Variants in SMARCA4 observed in about 807,000 individuals in gnomAD.
SMARCA4 encodes the protein SWI/SNF related BAF chromatin remodeling complex subunit ATPase 4.
SMARCA4 carries 31 observed loss-of-function variants against 193.9 expected under a neutral mutation model. That is an observed-to-expected ratio of 0.16 (90% CI 0.12 to 0.22). SMARCA4 has a LOEUF of 0.22. SMARCA4 is among the 10% of genes least tolerant of loss of function. The pLI is 1.00. For missense variants in SMARCA4, 1,148 were observed against 2,296.0 expected (o/e 0.50, Z 10.22); for synonymous variants, 942 against 933.1 (o/e 1.01, Z -0.17).
chr19:10,965,970 GTTTTTTTTTT>G (rs372236923), intron 1 of SMARCA4, among the ~76,000 whole-genome samples: 1 of 78,934 alleles, frequency 1.3e-5, no homozygotes, highest in East Asian at 5.3e-4. Flanking sequence ...TAGTGGCATG[GTTTTTTTTTT>G]TTTTTTTTTT....
intron 8 of SMARCA4, among the ~76,000 whole-genome samples, chr19:10,993,714 C>T (rs1465969914): frequency 2.1e-4 from 32 of 151,602 alleles, no homozygotes; most frequent in Admixed American, 2.0e-3. Flanking sequence ...GGCGCGATCT[C>T]GGCTCACTGC....
Position 10,986,619 on chromosome 19 carries a change from G to A in SMARCA4, c.760+26G>A, listed in dbSNP as rs2145787667. The A allele has an allele frequency of 6.5e-7, 1 of 1,535,424 alleles. No homozygotes were observed. The highest frequency in any genetic ancestry group is 1.7e-4 in the Middle Eastern group (1 of 5,810). On this transcript the variant is annotated intron_variant, in intron 4 of 34. Coordinates refer to ENST00000344626, the MANE Select transcript of SMARCA4 (RefSeq NM_003072.5). The surrounding 1 kb of genome is among the most constrained non-coding windows in gnomAD (Gnocchi z 6.7). ...GTAAGACTGGCTGCCCTGGCCCTCAGGTGTCTCAGAGCGAATGGCTGGGGC... is the reference window on the plus strand; with the variant it reads ...GTAAGACTGGCTGCCCTGGCCCTCAAGTGTCTCAGAGCGAATGGCTGGGGC...
chr19:11,003,530 C>G, intron 13 of SMARCA4, 133 bp downstream of exon 13: 2 of 826,378 alleles, frequency 2.4e-6, no homozygotes, highest in South Asian at 2.7e-5. Flanking sequence ...CAGGCCTGCC[C>G]GAAGTCGGTG....
chr19:11,009,518 C>T (rs758361132), intron 14 of SMARCA4, among the ~76,000 whole-genome samples: 1 of 151,944 alleles, frequency 6.6e-6, no homozygotes, highest in Non-Finnish European at 1.5e-5. Context: ...TGGCAAGTGA[C>T]AGCATTCTAT....
At position 11,012,519 on chromosome 19, in the gene SMARCA4, T is replaced by G. The variant is rs1345887786; in HGVS notation, c.2275-430T>G. ...TCAGAAAGCTCCCAGGCTTTGGAAA[T>G]CCCTCTCTTAATCTTGAAATGATGT... On this transcript the variant is annotated intron_variant, in intron 15 of 34. Coordinates refer to ENST00000344626, the MANE Select transcript of SMARCA4 (RefSeq NM_003072.5). 4 of 261,042 alleles carry G rather than the reference T, an allele frequency of 1.5e-5. No individual in the cohort carries two copies. In the East Asian group the frequency reaches 3.4e-4, roughly 22 times the overall value. The allele number at this position is 261,042 out of a possible 1,614,324, so 16.2% of individuals were successfully genotyped here.
intron 1 of SMARCA4, among the ~76,000 whole-genome samples, chr19:10,979,941 A>G (rs1258134077): frequency 6.6e-6 from 1 of 152,146 alleles, no homozygotes; most frequent in Non-Finnish European, 1.5e-5. Context: ...CAGGGCATGT[A>G]CAAGTCAGTG....
At chr19:11,036,165 A>G (rs1030184971) in intron 29 of SMARCA4, among the ~76,000 whole-genome samples, 1 of 152,212 alleles carries the variant, frequency 6.6e-6, no homozygotes, top group Non-Finnish European at 1.5e-5. Context: ...TTCCCCAGCC[A>G]GCCTCCCAAG....
chr19:11,048,924 T>C (rs1457733033), intron 30 of SMARCA4, among the ~76,000 whole-genome samples: 1 of 152,200 alleles, frequency 6.6e-6, no homozygotes, highest in Non-Finnish European at 1.5e-5. Context: ...CCCAAGGCCC[T>C]GGAGTGTGGC....
At chr19:10,964,282 G>A (rs2084037635) in intron 1 of SMARCA4, among the ~76,000 whole-genome samples, 1 of 152,044 alleles carries the variant, frequency 6.6e-6, no homozygotes, top group African/African-American at 2.4e-5. Flanking sequence ...CTAGGGTTTT[G>A]GGCAGATGTC....
Position 10,985,995 on chromosome 19 carries a change from A to G in SMARCA4, c.356-194A>G, listed in dbSNP as rs1010703563. 6.6e-6 allele frequency among the ~76,000 whole-genome samples: 1 copy of G among 152,160 alleles called. No individual in the cohort carries two copies. The highest frequency in any genetic ancestry group is 2.4e-5 in the African/African-American group (1 of 41,440). On this transcript the variant is annotated intron_variant, in intron 3 of 34. Transcript: ENST00000344626. The surrounding 1 kb of genome is among the most constrained non-coding windows in gnomAD (Gnocchi z 4.5). ...AGCACCTTACTGAGACGTGGGCCAA[A>G]CCAAATCCACCAGGTCGGCTGCTGG...
Position 11,019,813 on chromosome 19 carries a change from A to G in SMARCA4, c.2616+112A>G. The stretch of plus-strand genomic sequence containing the variant: ...AGTTTCTTCCCGGAGTCCCACCTGC[A>G]TGTGCGTGAAGACAGCTGCCCTGTG... On this transcript the variant is annotated intron_variant, in intron 18 of 34. Coordinates refer to ENST00000344626, the MANE Select transcript of SMARCA4 (RefSeq NM_003072.5). This position sits in a 1 kb window ranked among gnomAD's most constrained non-coding sequence, Gnocchi z 6.1. The G allele has an allele frequency of 2.6e-6, 2 of 777,714 alleles. No homozygotes were observed. Among genetic ancestry groups the G allele is most frequent in the Non-Finnish European group, 4.5e-6 (2 of 448,988 alleles). 48.2% of individuals were successfully genotyped at this position (777,714 alleles called of 1,614,324 possible).
chr19:10,991,035 A>G (rs2086513476), intron 7 of SMARCA4, 115 bp from the exon 8 acceptor site: 3 of 1,530,478 alleles, frequency 2.0e-6, no homozygotes, highest in Non-Finnish European at 2.6e-6. Flanking sequence ...CTGGGTGTGT[A>G]AGGCACTTAC....
chr19:10,977,285 T>TG (rs1354856848), intron 1 of SMARCA4, among the ~76,000 whole-genome samples: 2 of 151,838 alleles, frequency 1.3e-5, no homozygotes, highest in African/African-American at 4.8e-5. Context: ...CGGTTTGTGC[T>TG]GGGGGGAGGC....
intron 29 of SMARCA4, among the ~76,000 whole-genome samples, chr19:11,036,750 C>T (rs1455508208): frequency 2.6e-5 from 4 of 152,156 alleles, no homozygotes; most frequent in Admixed American, 6.6e-5. Flanking sequence ...TTAGAACATT[C>T]TCATCGCCCC....
chr19:10,965,367 G>C (rs2084134132), intron 1 of SMARCA4: 1 of 152,248 alleles, frequency 6.6e-6, no homozygotes, highest in Non-Finnish European at 1.5e-5. Context: ...TTAGAATGGT[G>C]CCTGGCACAT....
chr19:10,965,043 C>G (rs1431714267), intron 1 of SMARCA4, among the ~76,000 whole-genome samples: 3 of 152,178 alleles, frequency 2.0e-5, no homozygotes, highest in Non-Finnish European at 4.4e-5. Flanking sequence ...CCTCGGTCAT[C>G]AAGGCTGCCA....
intron 18 of SMARCA4, chr19:11,021,187 C>A (rs1352608739): frequency 4.4e-6 from 1 of 226,016 alleles, no homozygotes; most frequent in African/African-American, 2.3e-5. Flanking sequence ...ATGTAATCAC[C>A]CTGCAGTGGG....
intron 16 of SMARCA4, chr19:11,018,390 C>G (rs1464796693): frequency 4.1e-6 from 1 of 244,520 alleles, no homozygotes. Flanking sequence ...CATTCCAGCC[C>G]TGGTCATCCC....
intron 14 of SMARCA4, among the ~76,000 whole-genome samples, chr19:11,010,152 G>A (rs190412235): frequency 9.2e-5 from 14 of 152,296 alleles, no homozygotes; most frequent in Admixed American, 5.9e-4. Flanking sequence ...GTACTGTGGT[G>A]GTGCAATCAG....
Sources: allele counts gnomAD v4.1 joint callset (sites outside exome capture counted in the v4.1 genomes callset), GRCh38; gene constraint gnomAD v4.1.1; non-coding constraint Gnocchi (gnomAD v3.1); transcripts MANE v1.5; gene names NCBI Gene and HGNC (gene_info 2026-07-23, HGNC 2026-07-21).